Variants in MEOX1 observed in about 807,000 individuals in gnomAD.
MEOX1 encodes mesenchyme homeobox 1.
A neutral mutation model predicts 23.2 loss-of-function variants in MEOX1; 17 were observed. That is an observed-to-expected ratio of 0.73 (90% CI 0.50 to 1.10). MEOX1 has a LOEUF of 1.10. MEOX1 is among the 50% of genes least tolerant of loss of function. The pLI, the probability that MEOX1 is intolerant of heterozygous loss-of-function variation, is 0.00. For missense variants in MEOX1, 333 were observed against 332.2 expected (o/e 1.00, Z -0.02); for synonymous variants, 134 against 135.1 (o/e 0.99, Z 0.06).
chr17:43,657,582 G>T (rs1201600620), intron 1 of MEOX1, among the ~76,000 whole-genome samples: 1 of 152,130 alleles, frequency 6.6e-6, no homozygotes, highest in Non-Finnish European at 1.5e-5. Flanking sequence ...AAAGGAGGAA[G>T]GAAGCGCAGA....
chr17:43,661,479 C>T lies in MEOX1; in HGVS notation c.56G>A (p.Trp19Ter), dbSNP rs773922512. 1 of 1,607,718 alleles carries T rather than the reference C, an allele frequency of 6.2e-7. No homozygotes were observed. The highest frequency in any genetic ancestry group is 2.2e-5 in the East Asian group (1 of 44,700). Residue 19 changes from tryptophan to a stop codon, truncating the protein, a stop_gained, in exon 1 of 3, where the codon TGG (tryptophan) becomes TAG (stop). Transcript: ENST00000318579. LOFTEE classifies it high-confidence loss of function. ...CGAGTGGGGGTTTCGAAGGCAGCCC[C>T]AGACAGGGGCTGGGGGCTGGAGGCT... ...MRSLQPPAPVWGCLRNPHSEG... is the reference protein window; with the variant it reads ...MRSLQPPAPV
intron 1 of MEOX1, among the ~76,000 whole-genome samples, chr17:43,652,922 C>T (rs992649573): frequency 6.8e-6 from 1 of 147,872 alleles, no homozygotes; most frequent in African/African-American, 2.5e-5. Flanking sequence ...AGCTGTGCCT[C>T]CCAGGTTCAC....
intron 1 of MEOX1, 102 bp from the exon 2 acceptor site, chr17:43,643,762 A>G: frequency 1.2e-6 from 1 of 818,028 alleles, no homozygotes; most frequent in Non-Finnish European, 1.8e-6. Flanking sequence ...AGTCTCCCTT[A>G]TTTTTACAGG....
chr17:43,651,404 G>C (rs1293938832), intron 1 of MEOX1, among the ~76,000 whole-genome samples: 2 of 152,160 alleles, frequency 1.3e-5, no homozygotes, highest in East Asian at 3.9e-4. Context: ...GCTTTCAAGA[G>C]GGGATGGGGA....
At position 43,661,128 on chromosome 17, in the gene MEOX1, AC is replaced by A; in HGVS notation, c.406del (p.Val136CysfsTer61). The stretch of plus-strand genomic sequence containing the variant: ...TGTCTCATTGGCAGTGCTCCCAAGC[AC>A]CCCGTAGTCATCGCCTGGGCCTCCT... ...TTGGPGDDYGVLGSTANETEK... is the reference protein window; with the variant it reads ...TTGGPGDDYGXLGSTANETEK... On this transcript the variant is annotated frameshift_variant, in exon 1 of 3. Coordinates refer to ENST00000318579, the MANE Select transcript of MEOX1 (RefSeq NM_004527.4). LOFTEE classifies it high-confidence loss of function. 1.3e-6 allele frequency: 2 copies of A among 1,530,850 alleles called. No homozygotes were observed. Among genetic ancestry groups the A allele is most frequent in the Non-Finnish European group, 1.8e-6 (2 of 1,141,616 alleles). The allele number at this position is 1,530,850 out of a possible 1,614,324, so 94.8% of individuals were successfully genotyped here.
At chr17:43,646,663 T>C (rs951598264) in intron 1 of MEOX1, among the ~76,000 whole-genome samples, 3 of 152,184 alleles carry the variant, frequency 2.0e-5, no homozygotes, top group African/African-American at 7.2e-5. Flanking sequence ...AGTTAATATG[T>C]GTGTGCAACA....
chr17:43,658,986 C>T (rs1435250678), intron 1 of MEOX1, among the ~76,000 whole-genome samples: 1 of 152,210 alleles, frequency 6.6e-6, no homozygotes, highest in Non-Finnish European at 1.5e-5. Context: ...CTGAAGCATG[C>T]AGGCCGTTCA....
intron 1 of MEOX1, among the ~76,000 whole-genome samples, chr17:43,659,498 T>C (rs938055406): frequency 6.6e-6 from 1 of 152,132 alleles, no homozygotes; most frequent in Non-Finnish European, 1.5e-5. Flanking sequence ...TGAAATCTAC[T>C]GAAGGGGGTG....
At chr17:43,652,089 G>C (rs1289120571) in intron 1 of MEOX1, among the ~76,000 whole-genome samples, 1 of 152,212 alleles carries the variant, frequency 6.6e-6, no homozygotes, top group Non-Finnish European at 1.5e-5. Context: ...GAGGTCAGGA[G>C]CTCTAATCAG....
At chr17:43,645,428 T>C (rs1372422489) in intron 1 of MEOX1, among the ~76,000 whole-genome samples, 4 of 152,106 alleles carry the variant, frequency 2.6e-5, no homozygotes, top group African/African-American at 7.2e-5. Context: ...CTGCCCGCCT[T>C]GGCCTCCCAA....
At chr17:43,652,673 T>C (rs1381750885) in intron 1 of MEOX1, among the ~76,000 whole-genome samples, 1 of 152,080 alleles carries the variant, frequency 6.6e-6, no homozygotes, top group Non-Finnish European at 1.5e-5. Context: ...GACCTTAGTC[T>C]CTGACCACCC....
chr17:43,643,624 C>T lies in MEOX1; in HGVS notation c.506G>A (p.Ser169Asn). The change falls in exon 2 of 3, where the codon AGC (serine) becomes AAC (asparagine). Residue 169 changes from serine to asparagine, a missense_variant. Coordinates refer to ENST00000318579, the MANE Select transcript of MEOX1 (RefSeq NM_004527.4). ...QENRGKPEGS[S>N]KARKERTAFT... ...GGCCGTCCTCTCCTTGCGGGCTTTG[C>T]TGCTGCCCTCCGGCTTCCCTCTGTT... The T allele has an allele frequency of 1.2e-6, 2 of 1,613,454 alleles. No homozygotes were observed. The highest frequency in any genetic ancestry group is 1.7e-6 in the Non-Finnish European group (2 of 1,179,868).
chr17:43,654,306 C>T lies in MEOX1; in HGVS notation c.469+6760G>A, dbSNP rs138236488. Among the ~76,000 whole-genome samples the T allele has an allele frequency of 3.6e-3, 542 of 152,032 alleles. 3 individuals carry two copies. Among genetic ancestry groups the T allele is most frequent in the African/African-American group, 0.012 (512 of 41,466 alleles). On this transcript the variant is annotated intron_variant, in intron 1 of 2. Coordinates refer to ENST00000318579, the MANE Select transcript of MEOX1 (RefSeq NM_004527.4). ...GGCGGATCACCTGAGGTCAGGAGTTCGAGACCAGCCTGGCCAACATGGTAA... is the reference window on the plus strand; with the variant it reads ...GGCGGATCACCTGAGGTCAGGAGTTTGAGACCAGCCTGGCCAACATGGTAA...
intron 1 of MEOX1, among the ~76,000 whole-genome samples, chr17:43,653,067 C>A (rs577763045): frequency 3.3e-5 from 5 of 151,332 alleles, no homozygotes; most frequent in South Asian, 4.2e-4. Flanking sequence ...CTTCTGACAT[C>A]GTGATTCACC....
Position 43,647,876 on chromosome 17 carries a change from A to G in MEOX1, c.470-4216T>C, listed in dbSNP as rs541357423. On this transcript the variant is annotated intron_variant, in intron 1 of 2. Coordinates refer to ENST00000318579, the MANE Select transcript of MEOX1 (RefSeq NM_004527.4). ...TAACTCCCTGTGTGAACCTGGGGGC[A>G]ATACCTACTAATGGTGGGTGGGATG... is the stretch of plus-strand genomic sequence containing the variant. 2.0e-5 allele frequency among the ~76,000 whole-genome samples: 3 copies of G among 152,270 alleles called. No homozygotes were observed. The South Asian group carries it at 6.2e-4, about 32-fold the overall frequency.
chr17:43,643,691 A>T, intron 1 of MEOX1, 31 bp from the exon 2 acceptor site: 1 of 1,596,764 alleles, frequency 6.3e-7, no homozygotes, highest in Non-Finnish European at 8.6e-7. Flanking sequence ...ACAGGAAGAC[A>T]TGGGCTGAGG....
Position 43,661,559 on chromosome 17 carries a change from C to G in MEOX1, c.-25G>C. On this transcript the variant is annotated 5_prime_UTR_variant, in exon 1 of 3. Transcript: ENST00000318579. Reference sequence around the variant, plus strand: ...TCTGCTGTCCGCTGCACGCCTCGGTCCTTTCAAAGATTTGATTCTTTATAC... The same window carrying G: ...TCTGCTGTCCGCTGCACGCCTCGGTGCTTTCAAAGATTTGATTCTTTATAC... The G allele has an allele frequency of 7.5e-7, 1 of 1,331,726 alleles. No homozygotes were observed. Among genetic ancestry groups the G allele is most frequent in the Non-Finnish European group, 9.9e-7 (1 of 1,007,432 alleles). The allele number at this position is 1,331,726 out of a possible 1,614,324, so 82.5% of individuals were successfully genotyped here.
intron 1 of MEOX1, among the ~76,000 whole-genome samples, chr17:43,660,371 C>T (rs966715788): frequency 6.6e-6 from 1 of 152,248 alleles, no homozygotes; most frequent in Admixed American, 6.5e-5. Flanking sequence ...CCTTGCAGCT[C>T]CTTGCGGGGC....
Position 43,642,081 on chromosome 17 carries a change from T to A in MEOX1, c.643-49A>T, listed in dbSNP as rs370447704. On this transcript the variant is annotated intron_variant, in intron 2 of 2. Coordinates refer to ENST00000318579, the MANE Select transcript of MEOX1 (RefSeq NM_004527.4). ...TGGTCACTCCAGGGCCGGTGTGACC[T>A]CCTCCCCATGTCAATGCTTAGGCTA... is the stretch of plus-strand genomic sequence containing the variant. The A allele has an allele frequency of 3.8e-5, 60 of 1,574,352 alleles. No individual in the cohort carries two copies. In the East Asian group the frequency reaches 4.9e-4, roughly 13 times the overall value.
Sources: gnomAD v4.1 joint callset for allele counts (sites outside exome capture counted in the v4.1 genomes callset) on GRCh38, gnomAD v4.1.1 for gene constraint, MANE v1.5 for transcripts, NCBI Gene and HGNC (gene_info 2026-07-23, HGNC 2026-07-21) for gene names.